The following DCTN4 variants were observed in gnomAD, a reference collection of about 807,000 sequenced individuals.
The protein encoded by DCTN4 is dynactin 4 (p62).
In DCTN4, 23 loss-of-function variants were observed where a neutral mutation model predicts 62.7. The observed-to-expected ratio is 0.37, with a 90% CI of 0.26 to 0.52. The LOEUF (loss-of-function observed/expected upper bound fraction) is 0.52, where lower values mean the gene tolerates loss of function less well. Ranked by LOEUF, DCTN4 falls within the 20% of genes least tolerant of loss-of-function variation. The pLI is 0.92. For missense variants in DCTN4, 514 were observed against 580.4 expected (o/e 0.89, Z 1.18); for synonymous variants, 199 against 202.1 (o/e 0.98, Z 0.13).
intron 4 of DCTN4, 156 bp from the exon 5 acceptor site, chr5:150,733,631 T>C (rs1216522573): frequency 2.4e-5 from 12 of 510,212 alleles, no homozygotes; most frequent in Admixed American, 3.8e-5. Flanking sequence ...TTCTTCGTTA[T>C]GTGATCTGTT....
At chr5:150,749,164 A>G (rs1752577155) in intron 3 of DCTN4, among the ~76,000 whole-genome samples, 1 of 152,202 alleles carries the variant, frequency 6.6e-6, no homozygotes, top group African/African-American at 2.4e-5. Flanking sequence ...GAGAAAAGGA[A>G]AAGGCAAGGC....
intron 3 of DCTN4, among the ~76,000 whole-genome samples, chr5:150,743,990 C>A (rs1760865674): frequency 6.6e-6 from 1 of 152,172 alleles, no homozygotes; most frequent in Non-Finnish European, 1.5e-5. Context: ...TCAAACTACT[C>A]CGAGCTACAG....
chr5:150,740,551 T>C (rs1760730928), intron 4 of DCTN4, among the ~76,000 whole-genome samples: 1 of 152,108 alleles, frequency 6.6e-6, no homozygotes, highest in African/African-American at 2.4e-5. Context: ...TACTACTGGG[T>C]ATCTACTCAA....
chr5:150,737,058 G>A (rs1760608577), intron 4 of DCTN4, among the ~76,000 whole-genome samples: 1 of 152,048 alleles, frequency 6.6e-6, no homozygotes, highest in Non-Finnish European at 1.5e-5. Context: ...AGTCCAACAG[G>A]AAATATCACA....
chr5:150,745,534 G>T (rs989110927), intron 3 of DCTN4, among the ~76,000 whole-genome samples: 1 of 152,028 alleles, frequency 6.6e-6, no homozygotes, highest in Non-Finnish European at 1.5e-5. Context: ...TGACCACATA[G>T]TTGGAAGTAA....
intron 3 of DCTN4, among the ~76,000 whole-genome samples, chr5:150,745,588 C>T (rs1197250346): frequency 1.3e-5 from 2 of 151,972 alleles, no homozygotes; most frequent in East Asian, 1.9e-4. Flanking sequence ...TATAACAAAG[C>T]GTCTCTCAGA....
At chr5:150,731,784 C>T in intron 5 of DCTN4, 1 of 1,097,480 alleles carries the variant, frequency 9.1e-7, no homozygotes, top group Non-Finnish European at 1.4e-6. Flanking sequence ...CAGGCAAGAA[C>T]TATGTGGAGT....
rs2151462711 is a variant in DCTN4 at position 150,710,330 on chromosome 5, AG to A, written c.*818del. 6.6e-6 allele frequency: 1 copy of A among 152,496 alleles called. No individual in the cohort carries two copies. Among genetic ancestry groups the A allele is most frequent in the Non-Finnish European group, 1.5e-5 (1 of 68,036 alleles). 9.4% of individuals were successfully genotyped at this position (152,496 alleles called of 1,614,324 possible). On this transcript the variant is annotated 3_prime_UTR_variant, in exon 13 of 13. Coordinates refer to ENST00000447998, the MANE Select transcript of DCTN4 (RefSeq NM_016221.4). ...GAGGCAGAACAGGGAAGGGGTAGGA[AG>A]TAAGACAAATAAAGATTGCCCCCCT...
chr5:150,749,293 C>T (rs1561709253), intron 3 of DCTN4, among the ~76,000 whole-genome samples: 1 of 152,076 alleles, frequency 6.6e-6, no homozygotes, highest in Non-Finnish European at 1.5e-5. Context: ...AACAACAAAA[C>T]CCAGTTAAAA....
chr5:150,746,651 T>C (rs1752441051), intron 3 of DCTN4, among the ~76,000 whole-genome samples: 1 of 152,216 alleles, frequency 6.6e-6, no homozygotes, highest in African/African-American at 2.4e-5. Flanking sequence ...AATCAATAAA[T>C]GTAACCCAGC....
intron 12 of DCTN4, among the ~76,000 whole-genome samples, chr5:150,712,890 T>C (rs1759620946): frequency 1.3e-5 from 2 of 152,240 alleles, no homozygotes; most frequent in Non-Finnish European, 2.9e-5. Flanking sequence ...ACAGTGTTAG[T>C]TTCCAGAAAT....
At chr5:150,732,375 T>C (rs1760418558) in intron 5 of DCTN4, among the ~76,000 whole-genome samples, 1 of 152,226 alleles carries the variant, frequency 6.6e-6, no homozygotes, top group Admixed American at 6.5e-5. Flanking sequence ...GGTCTTGAAA[T>C]CCTGACCTCA....
In DCTN4 at chr5:150,715,682, GGCCT is replaced by G; in HGVS notation, c.1072-24_1072-21del. Reference sequence around the variant, plus strand: ...CACCACCTGGAGAGCAACACAGAGAGGCCTGCCTGAGAAGGGACCAGTGTGACAG... The same window carrying G: ...CACCACCTGGAGAGCAACACAGAGAGGCCTGAGAAGGGACCAGTGTGACAG... On this transcript the variant is annotated intron_variant, in intron 11 of 12. Coordinates refer to ENST00000447998, the MANE Select transcript of DCTN4 (RefSeq NM_016221.4). The G allele has an allele frequency of 6.2e-7, 1 of 1,606,268 alleles. No individual in the cohort carries two copies. Among genetic ancestry groups the G allele is most frequent in the Non-Finnish European group, 8.5e-7 (1 of 1,173,026 alleles).
intron 4 of DCTN4, 62 bp downstream of exon 4, chr5:150,742,052 C>G (rs1760787570): frequency 2.1e-6 from 3 of 1,428,944 alleles, no homozygotes; most frequent in African/African-American, 2.8e-5. Context: ...AATGCAAGAT[C>G]TTCAGTCTTT....
At chr5:150,727,872 C>T (rs1760213224) in intron 8 of DCTN4, among the ~76,000 whole-genome samples, 1 of 150,322 alleles carries the variant, frequency 6.7e-6, no homozygotes, top group African/African-American at 2.4e-5. Flanking sequence ...AACATTTCAG[C>T]TAAATAAAGC....
chr5:150,749,488 G>C (rs1752591972), intron 3 of DCTN4, among the ~76,000 whole-genome samples: 1 of 152,080 alleles, frequency 6.6e-6, no homozygotes, highest in South Asian at 2.1e-4. Context: ...AATTTGCTGG[G>C]GAGGATCCAA....
intron 9 of DCTN4, among the ~76,000 whole-genome samples, chr5:150,720,051 G>A (rs1445292303): frequency 6.6e-6 from 1 of 152,112 alleles, no homozygotes; most frequent in Non-Finnish European, 1.5e-5. Context: ...TAATGACTAA[G>A]GCAAGATATT....
chr5:150,711,431 A>G, intron 12 of DCTN4, 69 bp from the exon 13 acceptor site: 1 of 1,241,648 alleles, frequency 8.1e-7, no homozygotes, highest in Non-Finnish European at 1.2e-6. Flanking sequence ...GACTTACAGT[A>G]AAAGTCTTTC....
intron 4 of DCTN4, among the ~76,000 whole-genome samples, chr5:150,737,082 A>G (rs1026516423): frequency 2.0e-5 from 3 of 152,208 alleles, no homozygotes; most frequent in African/African-American, 7.2e-5. Context: ...CTAAATATAT[A>G]TGCACCTAAC....
Sources: gnomAD v4.1 joint callset for allele counts (sites outside exome capture counted in the v4.1 genomes callset) on GRCh38, gnomAD v4.1.1 for gene constraint, MANE v1.5 for transcripts, NCBI Gene and HGNC (gene_info 2026-07-23, HGNC 2026-07-21) for gene names.